HMCN1: variants seen among roughly 807,000 people sequenced by gnomAD.
The protein encoded by HMCN1 is hemicentin-1.
Under a neutral mutation model 625.9 loss-of-function variants are expected in HMCN1, and 321 were observed. The ratio of observed to expected loss-of-function variants is 0.51; its 90% CI spans 0.47 to 0.56. The LOEUF is 0.56. HMCN1 is among the 20% of genes least tolerant of loss of function. The pLI, the probability that HMCN1 is intolerant of heterozygous loss-of-function variation, is 0.00. For synonymous variants in HMCN1, 2,425 were observed against 2,417.6 expected (o/e 1.00, Z -0.09); for missense variants, 6,588 against 6,887.3 (o/e 0.96, Z 1.54).
chr1:186,098,292 A>C lies in HMCN1; in HGVS notation c.10573+2771A>C, dbSNP rs114371220. ...CCTACAGAATGGGAGAAAATATTTC[A>C]AACTATACCTCTAAGGGGTTAATAT... is the stretch of plus-strand genomic sequence containing the variant. On this transcript the variant is annotated intron_variant, in intron 68 of 106. Coordinates refer to ENST00000271588, the MANE Select transcript of HMCN1 (RefSeq NM_031935.3). Among the ~76,000 whole-genome samples the C allele has an allele frequency of 2.8e-3, 422 of 152,214 alleles. 5 individuals are homozygous for C. The highest frequency in any genetic ancestry group is 9.8e-3 in the African/African-American group (408 of 41,562).
chr1:185,797,675 G>A (rs1006825180), intron 1 of HMCN1, among the ~76,000 whole-genome samples: 7 of 147,284 alleles, frequency 4.8e-5, no homozygotes, highest in Admixed American at 3.3e-4. Context: ...TGCTTTATAA[G>A]ACTTGTTTTG....
chr1:185,772,659 C>A (rs1041430139), intron 1 of HMCN1, among the ~76,000 whole-genome samples: 6 of 152,130 alleles, frequency 3.9e-5, no homozygotes, highest in African/African-American at 1.4e-4. Context: ...GCTTACCCAA[C>A]ATTTATTTCT....
At chr1:185,758,965 T>C (rs1323053247) in intron 1 of HMCN1, among the ~76,000 whole-genome samples, 2 of 152,192 alleles carry the variant, frequency 1.3e-5, no homozygotes, top group Non-Finnish European at 2.9e-5. Context: ...CCTGCTAATA[T>C]CAGTCTAACT....
At chr1:186,037,902 A>T (rs1235650130) in intron 36 of HMCN1, 32 bp from the exon 37 acceptor site, 1 of 1,211,164 alleles carries the variant, frequency 8.3e-7, no homozygotes, top group Admixed American at 1.7e-5. Flanking sequence ...TTCTACTTAT[A>T]AGAAATAATT....
At chr1:185,947,320 T>C (rs1668398383) in intron 11 of HMCN1, among the ~76,000 whole-genome samples, 1 of 152,116 alleles carries the variant, frequency 6.6e-6, no homozygotes, top group Non-Finnish European at 1.5e-5. Flanking sequence ...ATATGGCTAG[T>C]GTACCCAAGG....
In HMCN1 at chr1:185,837,003, ATGG is replaced by A. The variant is rs1315365877; in HGVS notation, c.269-9020_269-9018del. Among the ~76,000 whole-genome samples, 79 of 135,688 alleles carry A rather than the reference ATGG, an allele frequency of 5.8e-4. No individual in the cohort carries two copies. The Middle Eastern group carries it at 0.011, about 19-fold the overall frequency. The allele number at this position is 135,688 out of a possible 152,430, so 89.0% of individuals were successfully genotyped here. ...CATGGTATTCTATGGTGTATATTCC[ATGG>A]TGTGTGTGTGTGTGTGTGTGTGTGT... On this transcript the variant is annotated intron_variant, in intron 1 of 106. Transcript: ENST00000271588.
At position 186,120,289 on chromosome 1, in the gene HMCN1, A is replaced by G. The variant is rs146780228; in HGVS notation, c.12229+144A>G. 4 of 949,730 alleles carry G rather than the reference A, an allele frequency of 4.2e-6. No individual in the cohort carries two copies. In the African/African-American group the frequency reaches 6.7e-5, roughly 16 times the overall value. 58.8% of individuals were successfully genotyped at this position (949,730 alleles called of 1,614,324 possible). A position where few individuals can be genotyped will look rare whatever the true frequency, so the allele number is the denominator to read the frequency against. ...TTTGCATTATCCTATTGGTTTTTCT[A>G]TCACTTTTATGAAGAAAGTTTAATG... is the stretch of plus-strand genomic sequence containing the variant. On this transcript the variant is annotated intron_variant, in intron 80 of 106. Coordinates refer to ENST00000271588, the MANE Select transcript of HMCN1 (RefSeq NM_031935.3).
chr1:185,812,645 T>C (rs1303978472), intron 1 of HMCN1, among the ~76,000 whole-genome samples: 1 of 152,188 alleles, frequency 6.6e-6, no homozygotes, highest in Non-Finnish European at 1.5e-5. Flanking sequence ...AATTTATATG[T>C]TTGTACATCA....
intron 48 of HMCN1, among the ~76,000 whole-genome samples, chr1:186,063,496 AGG>A (rs1558188703): frequency 6.9e-6 from 1 of 145,730 alleles, no homozygotes; most frequent in Non-Finnish European, 1.5e-5. Context: ...GAAGGAAGGA[AGG>A]AAGGAAGGAA....
At chr1:186,074,661 C>T in intron 52 of HMCN1, 80 bp from the exon 53 acceptor site, 2 of 1,267,112 alleles carry the variant, frequency 1.6e-6, no homozygotes, top group Middle Eastern at 1.9e-4. Flanking sequence ...TTTAAAAAAT[C>T]ACAAAAACTA....
In HMCN1 at chr1:186,007,287, G is replaced by A. The variant is rs1202295840; in HGVS notation, c.4630+5G>A. On this transcript the variant is annotated splice_donor_5th_base_variant and intron_variant, in intron 30 of 106. Transcript: ENST00000271588. The stretch of plus-strand genomic sequence containing the variant: ...ATATAAAACTGACTATCTATAGTAA[G>A]TGCGATTGTCTTATGCTTTTTATTG... The A allele has an allele frequency of 6.2e-7, 1 of 1,613,192 alleles. No individual in the cohort carries two copies. The highest frequency in any genetic ancestry group is 8.5e-7 in the Non-Finnish European group (1 of 1,179,304).
intron 1 of HMCN1, among the ~76,000 whole-genome samples, chr1:185,760,467 T>C (rs1655422171): frequency 6.6e-6 from 1 of 152,152 alleles, no homozygotes; most frequent in African/African-American, 2.4e-5. Context: ...CGTAAAAGAA[T>C]AGACCGATGG....
Position 185,735,007 on chromosome 1 carries a change from A to C in HMCN1, c.228A>C (p.Arg76Ser). 1.2e-6 allele frequency: 2 copies of C among 1,613,892 alleles called. No individual in the cohort carries two copies. Among genetic ancestry groups the C allele is most frequent in the Non-Finnish European group, 1.7e-6 (2 of 1,179,970 alleles). The change falls in exon 1 of 107, where the codon AGA becomes AGC. Residue 76 changes from arginine (R) to serine (S), a missense_variant. Transcript: ENST00000271588. ...ILETSLKRPK[R>S]PLFNFALVPF... ...AGACGTCTTTGAAAAGACCTAAAAGACCTCTTTTCAACTTTGCGTTGGTGC... is the reference window on the plus strand; with the variant it reads ...AGACGTCTTTGAAAAGACCTAAAAGCCCTCTTTTCAACTTTGCGTTGGTGC...
intron 9 of HMCN1, among the ~76,000 whole-genome samples, chr1:185,925,638 A>T (rs527543890): frequency 3.0e-4 from 45 of 152,310 alleles, no homozygotes; most frequent in African/African-American, 1.1e-3. Flanking sequence ...TGGTAAGTGT[A>T]GAGCGGGTTA....
intron 4 of HMCN1, among the ~76,000 whole-genome samples, chr1:185,872,460 A>G (rs181264611): frequency 2.6e-5 from 4 of 152,082 alleles, no homozygotes; most frequent in African/African-American, 9.7e-5. Context: ...CTTAAAAATT[A>G]TCTTTGTCTG....
chr1:186,041,501 T>C (rs1275565997), intron 40 of HMCN1, among the ~76,000 whole-genome samples: 2 of 152,178 alleles, frequency 1.3e-5, no homozygotes, highest in Non-Finnish European at 2.9e-5. Flanking sequence ...CATGATTTTA[T>C]TACTTTCTAA....
intron 1 of HMCN1, among the ~76,000 whole-genome samples, chr1:185,755,284 C>G (rs191365297): frequency 6.6e-6 from 1 of 152,272 alleles, no homozygotes; most frequent in Admixed American, 6.5e-5. Context: ...TATATTTATA[C>G]ATTTTTGTTA....
chr1:186,021,630 A>G (rs1000120760), intron 35 of HMCN1, among the ~76,000 whole-genome samples: 1 of 152,134 alleles, frequency 6.6e-6, no homozygotes, highest in African/African-American at 2.4e-5. Context: ...TAACATGTTT[A>G]TAACAGTATG....
intron 105 of HMCN1, among the ~76,000 whole-genome samples, chr1:186,187,087 C>T (rs1653375091): frequency 6.6e-6 from 1 of 151,222 alleles, no homozygotes. Context: ...AAAATAAACC[C>T]CAAATTAAAG....
Sources: allele counts gnomAD v4.1 joint callset (sites outside exome capture counted in the v4.1 genomes callset), GRCh38; gene constraint gnomAD v4.1.1; transcripts MANE v1.5; gene names NCBI Gene and HGNC (gene_info 2026-07-23, HGNC 2026-07-21).